STK3: variants seen among roughly 807,000 people sequenced by gnomAD.
STK3 encodes the protein serine/threonine-protein kinase 3.
A neutral mutation model predicts 58.0 loss-of-function variants in STK3; 41 were observed. The observed-to-expected ratio is 0.71, with a 90% CI of 0.55 to 0.92. The LOEUF (loss-of-function observed/expected upper bound fraction) is 0.92. STK3 is among the 40% of genes least tolerant of loss of function. The probability of loss-of-function intolerance (pLI) is 0.00; values close to 1 mark genes in which losing one functional copy is unlikely to be tolerated. For synonymous variants in STK3, 170 were observed against 191.0 expected (o/e 0.89, Z 0.91); for missense variants, 479 against 602.7 (o/e 0.79, Z 2.15).
chr8:98,827,702 T>C (rs1835367601), upstream of STK3, among the ~76,000 whole-genome samples: 1 of 152,190 alleles, frequency 6.6e-6, no homozygotes, highest in Non-Finnish European at 1.5e-5. Context: ...TTCCCCAGGC[T>C]GGAGTGCAGT....
chr8:98,429,659 A>C, intron 3 of STK3: 1 of 496,030 alleles, frequency 2.0e-6, no homozygotes. Flanking sequence ...TCGTGGGCAT[A>C]AAATGTTCAC....
Position 98,736,040 on chromosome 8 carries a change from A to G in STK3, c.351+13236T>C, listed in dbSNP as rs535807213. Reference sequence around the variant, plus strand: ...ACAGAAACAACAAACAGCAAAGAACAGGCACAAAAAGAACATGAAACAGCC... The same window carrying G: ...ACAGAAACAACAAACAGCAAAGAACGGGCACAAAAAGAACATGAAACAGCC... On this transcript the variant is annotated intron_variant, in intron 4 of 10. Transcript: ENST00000419617. 7.6e-4 allele frequency among the ~76,000 whole-genome samples: 116 copies of G among 152,300 alleles called. 1 individual carries two copies. Among genetic ancestry groups the G allele is most frequent in the African/African-American group, 2.8e-3 (115 of 41,580 alleles).
At chr8:98,704,687 T>C (rs547998589) in intron 6 of STK3, among the ~76,000 whole-genome samples, 2 of 152,290 alleles carry the variant, frequency 1.3e-5, no homozygotes, top group South Asian at 4.2e-4. Context: ...TCATTCAAAC[T>C]CTCAGGTAAT....
chr8:98,416,362 C>CTT (rs1818113593), intron 3 of STK3, among the ~76,000 whole-genome samples: 1 of 87,412 alleles, frequency 1.1e-5, no homozygotes. Flanking sequence ...GTGTTTGAAA[C>CTT]TGTTTTTTTT....
chr8:98,828,733 T>A (rs534568015), upstream of STK3, among the ~76,000 whole-genome samples: 2 of 152,328 alleles, frequency 1.3e-5, no homozygotes, highest in East Asian at 3.9e-4. Context: ...ACCAGCATCA[T>A]CACCCACTAT....
At chr8:98,824,602 C>T (rs1438439758) in intron 1 of STK3, among the ~76,000 whole-genome samples, 1 of 152,190 alleles carries the variant, frequency 6.6e-6, no homozygotes, top group Admixed American at 6.5e-5. Context: ...AACTCCTTCA[C>T]GACCCCCCCT....
At chr8:98,569,913 ATGTGTG>A (rs534903718) in intron 8 of STK3, among the ~76,000 whole-genome samples, 1 of 147,310 alleles carries the variant, frequency 6.8e-6, no homozygotes, top group Admixed American at 6.8e-5. Flanking sequence ...AAAAAAAAAT[ATGTGTG>A]TGTGTGTGTG....
chr8:98,399,460 C>A (rs957512168), downstream of STK3, among the ~76,000 whole-genome samples: 3 of 152,304 alleles, frequency 2.0e-5, no homozygotes, highest in Non-Finnish European at 2.9e-5. Context: ...CGTGGCCTGG[C>A]CACGGCAGGG....
At chr8:98,467,738 G>C (rs991187752) in intron 10 of STK3, among the ~76,000 whole-genome samples, 1 of 151,962 alleles carries the variant, frequency 6.6e-6, no homozygotes, top group East Asian at 1.9e-4. Flanking sequence ...TCAATAATAA[G>C]GGGCTCATCC....
intron 9 of STK3, among the ~76,000 whole-genome samples, chr8:98,533,619 C>T (rs1809503893): frequency 1.3e-5 from 2 of 152,028 alleles, no homozygotes; most frequent in South Asian, 4.2e-4. Flanking sequence ...TCCTGAGTAG[C>T]TAGGACTACA....
At chr8:98,480,981 T>C (rs1270342264) in intron 10 of STK3, among the ~76,000 whole-genome samples, 1 of 152,220 alleles carries the variant, frequency 6.6e-6, no homozygotes, top group Non-Finnish European at 1.5e-5. Flanking sequence ...AAATTTTTTA[T>C]ACTGAAAAAA....
At chr8:98,464,294 T>C (rs1366070109) in intron 10 of STK3, among the ~76,000 whole-genome samples, 1 of 152,120 alleles carries the variant, frequency 6.6e-6, no homozygotes, top group Non-Finnish European at 1.5e-5. Flanking sequence ...AGCAACATAC[T>C]CTTTTTTCCC....
chr8:98,928,186 T>C (rs1839874287), intron 1 of STK3, among the ~76,000 whole-genome samples: 1 of 152,216 alleles, frequency 6.6e-6, no homozygotes, highest in South Asian at 2.1e-4. Context: ...CCTTACCTTA[T>C]TATTGTGCCC....
chr8:98,780,163 CTATTA>C (rs1831995523), intron 1 of STK3, among the ~76,000 whole-genome samples: 1 of 150,966 alleles, frequency 6.6e-6, no homozygotes, highest in Non-Finnish European at 1.5e-5. Context: ...TATATTTTAC[CTATTA>C]TAATTATATG....
At chr8:98,737,047 G>A (rs912935064) in intron 4 of STK3, among the ~76,000 whole-genome samples, 2 of 152,086 alleles carry the variant, frequency 1.3e-5, no homozygotes, top group Non-Finnish European at 2.9e-5. Flanking sequence ...GTCCACTTGA[G>A]CACCAATCCA....
chr8:98,855,797 G>A (rs997506215), intron 3 of STK3, among the ~76,000 whole-genome samples: 2 of 152,054 alleles, frequency 1.3e-5, no homozygotes, highest in Non-Finnish European at 2.9e-5. Flanking sequence ...GAGGTGGGAG[G>A]ATTATTTGAG....
At chr8:98,564,010 A>C (rs182979047) in intron 8 of STK3, among the ~76,000 whole-genome samples, 7 of 152,240 alleles carry the variant, frequency 4.6e-5, no homozygotes, top group Middle Eastern at 3.4e-3. Context: ...AAAAGAAAGA[A>C]AGAATAATTT....
chr8:98,465,762 C>T (rs1440714841), intron 10 of STK3, among the ~76,000 whole-genome samples: 6 of 152,188 alleles, frequency 3.9e-5, no homozygotes, highest in Non-Finnish European at 8.8e-5. Context: ...GCAGGAGTTA[C>T]AAACTGATGA....
intron 10 of STK3, among the ~76,000 whole-genome samples, chr8:98,461,952 T>G (rs975671209): frequency 4.2e-5 from 3 of 70,760 alleles, no homozygotes; most frequent in Non-Finnish European, 7.9e-5. Flanking sequence ...AGTTCTTTTT[T>G]AATTAAAACA....
Sources: gnomAD v4.1 joint callset for allele counts (sites outside exome capture counted in the v4.1 genomes callset) on GRCh38, gnomAD v4.1.1 for gene constraint, MANE v1.5 for transcripts, NCBI Gene and HGNC (gene_info 2026-07-23, HGNC 2026-07-21) for gene names.